CLNK: variants seen among roughly 807,000 people sequenced by gnomAD.
The protein encoded by CLNK is cytokine-dependent hematopoietic cell linker.
Under a neutral mutation model 68.6 loss-of-function variants are expected in CLNK, and 74 were observed. That is an observed-to-expected ratio of 1.08 (90% CI 0.89 to 1.31). CLNK has a LOEUF of 1.31. Among genes scored for constraint, CLNK ranks in the 50% most tolerant of loss-of-function variants. The pLI, the probability that CLNK is intolerant of heterozygous loss-of-function variation, is 0.00. For missense variants in CLNK, 553 were observed against 515.3 expected (o/e 1.07, Z -0.71); for synonymous variants, 198 against 172.2 (o/e 1.15, Z -1.17).
intron 3 of CLNK, among the ~76,000 whole-genome samples, chr4:10,593,232 C>T (rs1375313101): frequency 6.6e-6 from 1 of 152,176 alleles, no homozygotes; most frequent in Non-Finnish European, 1.5e-5. Flanking sequence ...TCTCTCAGTG[C>T]TGCAGAGGCT....
chr4:10,611,609 C>G (rs1454483501), intron 2 of CLNK, among the ~76,000 whole-genome samples: 3 of 152,048 alleles, frequency 2.0e-5, no homozygotes, highest in African/African-American at 7.2e-5. Flanking sequence ...AGGAAAATAG[C>G]CTTTCCTCTA....
the CLNK span, among the ~76,000 whole-genome samples, chr4:10,730,860 C>T: frequency 3.9e-5 from 6 of 152,124 alleles, no homozygotes; most frequent in African/African-American, 1.4e-4. Flanking sequence ...CCATCTCAAG[C>T]ATGGAATTCA....
chr4:10,503,211 C>G (rs538834277), intron 17 of CLNK, among the ~76,000 whole-genome samples: 2 of 152,146 alleles, frequency 1.3e-5, no homozygotes, highest in East Asian at 3.9e-4. Flanking sequence ...CCTGTAATCC[C>G]AACACTTGGG....
intron 11 of CLNK, among the ~76,000 whole-genome samples, chr4:10,535,251 G>GAAAGAA (rs1553847893): frequency 2.7e-4 from 39 of 142,212 alleles, no homozygotes; most frequent in Non-Finnish European, 5.2e-4. Context: ...AAGAAAGAAA[G>GAAAGAA]AAAGAAAGAA....
the CLNK span, among the ~76,000 whole-genome samples, chr4:10,703,377 G>T: frequency 5.1e-4 from 78 of 152,300 alleles, no homozygotes; most frequent in South Asian, 1.0e-3. Context: ...AGAAACAGAA[G>T]AAAACACATT....
At chr4:10,691,726 A>G in the CLNK span, among the ~76,000 whole-genome samples, 2 of 152,326 alleles carry the variant, frequency 1.3e-5, no homozygotes, top group East Asian at 3.9e-4. Flanking sequence ...AATTGTTTCC[A>G]GGGTCTCCAA....
intron 14 of CLNK, 47 bp downstream of exon 14, chr4:10,525,794 C>T (rs1379186287): frequency 5.3e-6 from 6 of 1,128,262 alleles, no homozygotes; most frequent in Non-Finnish European, 7.9e-6. Flanking sequence ...CAGCACATGG[C>T]CTGACCCCTC....
chr4:10,574,741 C>G (rs1720488873), intron 4 of CLNK, among the ~76,000 whole-genome samples: 1 of 152,230 alleles, frequency 6.6e-6, no homozygotes, highest in African/African-American at 2.4e-5. Context: ...GCGTTGCACC[C>G]TGGGCCTGGT....
chr4:10,510,043 A>G (rs1577095603), intron 16 of CLNK, among the ~76,000 whole-genome samples: 1 of 152,254 alleles, frequency 6.6e-6, no homozygotes, highest in South Asian at 2.1e-4. Context: ...CAGTCCAGGG[A>G]CTTGGAAGAA....
the CLNK span, among the ~76,000 whole-genome samples, chr4:10,702,255 C>G: frequency 4.0e-5 from 6 of 151,780 alleles, no homozygotes; most frequent in African/African-American, 1.5e-4. Context: ...TGTCCAGATA[C>G]TAAGGGAAGA....
chr4:10,569,093 G>A (rs1020446080), intron 5 of CLNK, among the ~76,000 whole-genome samples: 2 of 151,858 alleles, frequency 1.3e-5, no homozygotes. Context: ...TCAGGTTTAG[G>A]TGTGAGAATT....
intron 1 of CLNK, among the ~76,000 whole-genome samples, chr4:10,671,504 T>A (rs922274111): frequency 6.6e-6 from 1 of 152,200 alleles, no homozygotes; most frequent in Non-Finnish European, 1.5e-5. Context: ...GAAACAGCTG[T>A]GCTCTACTCA....
At chr4:10,558,079 T>G (rs1182305817) in intron 8 of CLNK, among the ~76,000 whole-genome samples, 1 of 152,256 alleles carries the variant, frequency 6.6e-6, no homozygotes, top group Non-Finnish European at 1.5e-5. Context: ...ATTTCTATCT[T>G]GTGGCTTTTC....
At chr4:10,704,620 A>C in the CLNK span, among the ~76,000 whole-genome samples, 1 of 152,060 alleles carries the variant, frequency 6.6e-6, no homozygotes, top group Admixed American at 6.5e-5. Context: ...TGCTGAGACA[A>C]CACACAGCCT....
the CLNK span, among the ~76,000 whole-genome samples, chr4:10,728,890 C>T: frequency 6.6e-6 from 1 of 152,108 alleles, no homozygotes; most frequent in South Asian, 2.1e-4. Context: ...TGAGCTACCA[C>T]ACCCGGCCCC....
intron 2 of CLNK, among the ~76,000 whole-genome samples, chr4:10,603,725 C>A (rs1560237543): frequency 6.6e-6 from 1 of 152,172 alleles, no homozygotes; most frequent in Non-Finnish European, 1.5e-5. Flanking sequence ...GGTGGGAAGG[C>A]CAGGTCTATG....
At chr4:10,517,548 A>G (rs1717884215) in intron 15 of CLNK, 1 of 152,226 alleles carries the variant, frequency 6.6e-6, no homozygotes, top group African/African-American at 2.4e-5. Flanking sequence ...AATACACAAT[A>G]AAATTGACTT....
chr4:10,494,450 G>A (rs996360082), intron 18 of CLNK, among the ~76,000 whole-genome samples: 15 of 149,384 alleles, frequency 1.0e-4, no homozygotes, highest in African/African-American at 3.7e-4. Context: ...TAGTCACACA[G>A]TATTTCCTAT....
chr4:10,699,345 C>CACACACACCACATACGTGTGTGTAT, the CLNK span, among the ~76,000 whole-genome samples: 1 of 143,764 alleles, frequency 7.0e-6, no homozygotes, highest in African/African-American at 2.6e-5. Flanking sequence ...TGTGTGTATA[C>CACACACACCACATACGTGTGTGTAT]ACACACACAC....
Sources: gnomAD v4.1 joint callset for allele counts (sites outside exome capture counted in the v4.1 genomes callset) on GRCh38, gnomAD v4.1.1 for gene constraint, MANE v1.5 for transcripts, NCBI Gene and HGNC (gene_info 2026-07-23, HGNC 2026-07-21) for gene names.